The following TMEM45B variants were observed in gnomAD, a reference collection of about 807,000 sequenced individuals.
TMEM45B encodes transmembrane protein 45B.
A neutral mutation model predicts 27.3 loss-of-function variants in TMEM45B; 29 were observed. The ratio of observed to expected loss-of-function variants is 1.06; its 90% confidence interval spans 0.79 to 1.45. The LOEUF is 1.45. Ranked by LOEUF, TMEM45B falls within the 40% of genes most tolerant of loss-of-function variation. The pLI is 0.00. For synonymous variants in TMEM45B, 143 were observed against 134.7 expected (o/e 1.06, Z -0.43); for missense variants, 348 against 343.9 (o/e 1.01, Z -0.09).
chr11:129,847,621 T>C (rs1237375334), intron 1 of TMEM45B, among the ~76,000 whole-genome samples: 1 of 151,286 alleles, frequency 6.6e-6, no homozygotes, highest in Non-Finnish European at 1.5e-5. Flanking sequence ...AGCATCTGTT[T>C]AACAAAGCAC....
intron 1 of TMEM45B, among the ~76,000 whole-genome samples, chr11:129,819,700 CGT>C (rs1565361300): frequency 1.9e-3 from 289 of 151,960 alleles, no homozygotes; most frequent in African/African-American, 6.7e-3. Flanking sequence ...GGATTACAGA[CGT>C]GCACCACCAC....
intron 1 of TMEM45B, among the ~76,000 whole-genome samples, chr11:129,823,480 C>A (rs1174079409): frequency 1.3e-5 from 2 of 152,120 alleles, no homozygotes; most frequent in African/African-American, 4.8e-5. Context: ...GGCTTGTCAC[C>A]CCTGCAACTC....
At chr11:129,858,401 C>T (rs982545059) in intron 5 of TMEM45B, among the ~76,000 whole-genome samples, 173 bp from the exon 6 acceptor site, 8 of 152,154 alleles carry the variant, frequency 5.3e-5, no homozygotes, top group Non-Finnish European at 7.3e-5. Flanking sequence ...CCACCATCGC[C>T]CCTTTATCTA....
chr11:129,847,058 G>GC (rs1947769768), intron 1 of TMEM45B, among the ~76,000 whole-genome samples: 1 of 152,212 alleles, frequency 6.6e-6, no homozygotes, highest in Non-Finnish European at 1.5e-5. Context: ...CAACAAACGA[G>GC]TATAATGCAA....
intron 1 of TMEM45B, among the ~76,000 whole-genome samples, chr11:129,817,817 T>C (rs1947370307): frequency 6.6e-6 from 1 of 152,220 alleles, no homozygotes; most frequent in Non-Finnish European, 1.5e-5. Flanking sequence ...GTACAGATGT[T>C]ACCTGTGTTG....
intron 1 of TMEM45B, among the ~76,000 whole-genome samples, chr11:129,849,172 C>G (rs991616735): frequency 1.1e-4 from 16 of 152,316 alleles, no homozygotes; most frequent in Middle Eastern, 6.8e-3. Flanking sequence ...GTGAGAGAGA[C>G]TCATTCACTT....
intron 1 of TMEM45B, among the ~76,000 whole-genome samples, chr11:129,833,711 G>C (rs1274604623): frequency 6.6e-6 from 1 of 152,072 alleles, no homozygotes; most frequent in Non-Finnish European, 1.5e-5. Context: ...GAAGGCGGAG[G>C]TTGCAGTGAG....
intron 5 of TMEM45B, 38 bp from the exon 6 acceptor site, chr11:129,858,536 T>C (rs1251722741): frequency 9.5e-6 from 14 of 1,467,028 alleles, no homozygotes; most frequent in Non-Finnish European, 1.9e-6. Context: ...ATTAAGGGAA[T>C]CTCTGGCTAA....
intron 1 of TMEM45B, among the ~76,000 whole-genome samples, chr11:129,852,007 CT>C (rs1213057854): frequency 1.3e-5 from 2 of 152,166 alleles, no homozygotes; most frequent in East Asian, 3.8e-4. Context: ...TCTGCCTATT[CT>C]TCTACGGTCT....
At chr11:129,847,594 C>G (rs1039833109) in intron 1 of TMEM45B, among the ~76,000 whole-genome samples, 2 of 150,470 alleles carry the variant, frequency 1.3e-5, no homozygotes, top group African/African-American at 4.9e-5. Context: ...TGACTCTTAA[C>G]GAGCATGCTG....
At chr11:129,855,092 G>A (rs956375326) in intron 3 of TMEM45B, among the ~76,000 whole-genome samples, 16 of 152,264 alleles carry the variant, frequency 1.1e-4, no homozygotes, top group African/African-American at 3.4e-4. Flanking sequence ...TCCCACTGCC[G>A]CCAGCAGCCC....
intron 2 of TMEM45B, among the ~76,000 whole-genome samples, chr11:129,853,501 G>C (rs1947878128): frequency 6.6e-6 from 1 of 152,206 alleles, no homozygotes; most frequent in South Asian, 2.1e-4. Flanking sequence ...CATCAGAGAG[G>C]CCTCCCGTGA....
chr11:129,843,192 CA>C (rs1947717217), intron 1 of TMEM45B, among the ~76,000 whole-genome samples: 1 of 152,158 alleles, frequency 6.6e-6, no homozygotes, highest in Non-Finnish European at 1.5e-5. Context: ...CCGCCTGCCT[CA>C]GTCAGCCTCC....
intron 1 of TMEM45B, among the ~76,000 whole-genome samples, chr11:129,843,920 A>C (rs1277284616): frequency 6.6e-6 from 1 of 152,222 alleles, no homozygotes; most frequent in Non-Finnish European, 1.5e-5. Context: ...GAGCTACCCT[A>C]TGATCCAGCA....
intron 5 of TMEM45B, 87 bp downstream of exon 5, chr11:129,857,545 T>C (rs1368214199): frequency 4.7e-6 from 7 of 1,486,534 alleles, no homozygotes; most frequent in Middle Eastern, 1.8e-4. Context: ...GAGTGCCGAC[T>C]ACAGGCCAAA....
At chr11:129,824,869 G>A (rs896719026) in intron 1 of TMEM45B, among the ~76,000 whole-genome samples, 3 of 152,150 alleles carry the variant, frequency 2.0e-5, no homozygotes, top group Admixed American at 6.5e-5. Context: ...AGGAAATAAG[G>A]CCTAAATATG....
At chr11:129,826,522 C>G (rs1462813008) in intron 1 of TMEM45B, among the ~76,000 whole-genome samples, 1 of 121,628 alleles carries the variant, frequency 8.2e-6, no homozygotes, top group Non-Finnish European at 1.6e-5. Flanking sequence ...GCACTCCAGC[C>G]TGGGGGACAC....
chr11:129,817,279 G>T (rs1333932868), intron 1 of TMEM45B, among the ~76,000 whole-genome samples: 2 of 152,174 alleles, frequency 1.3e-5, no homozygotes, highest in African/African-American at 4.8e-5. Flanking sequence ...CCTGGATGTT[G>T]TGCAGTGGGA....
Position 129,858,694 on chromosome 11 carries a change from G to A in TMEM45B, c.*9G>A. The A allele has an allele frequency of 6.5e-7, 1 of 1,545,668 alleles. No homozygotes were observed. Among genetic ancestry groups the A allele is most frequent in the Non-Finnish European group, 8.8e-7 (1 of 1,140,728 alleles). On this transcript the variant is annotated 3_prime_UTR_variant, in exon 6 of 6. Transcript: ENST00000281441. ...GCTCAGATGAGGAATGAGCCGAGAT[G>A]CGGAGGGCGCAGATGTCCCACTGCA...
Sources: allele counts gnomAD v4.1 joint callset (sites outside exome capture counted in the v4.1 genomes callset), GRCh38; gene constraint gnomAD v4.1.1; transcripts MANE v1.5; gene names NCBI Gene and HGNC (gene_info 2026-07-23, HGNC 2026-07-21).